The following TAB1 variants were observed in gnomAD, a reference collection of about 807,000 sequenced individuals.
The protein encoded by TAB1 is TGF-beta activated kinase 1 (MAP3K7) binding protein 1.
TAB1 carries 30 observed loss-of-function variants against 54.5 expected under a neutral mutation model. That is an observed-to-expected ratio of 0.55 (90% confidence interval 0.41 to 0.75). The LOEUF (loss-of-function observed/expected upper bound fraction) is 0.75, where lower values mean the gene tolerates loss of function less well. Ranked by LOEUF, TAB1 falls within the 30% of genes least tolerant of loss-of-function variation. The pLI is 0.00. For missense variants in TAB1, 609 were observed against 683.2 expected, an observed-to-expected ratio of 0.89 and a Z score of 1.21; for synonymous variants, 289 against 286.9, an observed-to-expected ratio of 1.01 and a Z score of -0.07.
chr22:39,400,537 C>T (rs915258882), intron 1 of TAB1, among the ~76,000 whole-genome samples: 4 of 152,232 alleles, frequency 2.6e-5, no homozygotes, highest in Non-Finnish European at 4.4e-5. Flanking sequence ...TCTTCAGACT[C>T]ATCCCTACCC....
chr22:39,427,980 C>A, intron 9 of TAB1, 41 bp from the exon 10 acceptor site: 1 of 1,541,030 alleles, frequency 6.5e-7, no homozygotes, highest in Non-Finnish European at 8.8e-7. Flanking sequence ...TGGGTTTCTC[C>A]TCAGCTGCTG....
intron 1 of TAB1, 120 bp from the exon 2 acceptor site, chr22:39,414,886 G>T: frequency 9.0e-7 from 1 of 1,112,792 alleles, no homozygotes; most frequent in Admixed American, 2.3e-5. Context: ...CCAGAAGGAA[G>T]TGGAACCCTC....
At chr22:39,435,353 G>C (rs558924202), downstream of TAB1, among the ~76,000 whole-genome samples, 1 of 152,034 alleles carries the variant, frequency 6.6e-6, no homozygotes, top group African/African-American at 2.4e-5. Flanking sequence ...AACCCCAGCA[G>C]GTCCCCGGCT....
rs1011603695 is a variant in TAB1 at position 39,431,823 on chromosome 22, G to A, written c.*1601G>A. On this transcript the variant is annotated 3_prime_UTR_variant, in exon 11 of 11. Transcript: ENST00000216160. ...GTGCTGTTTGGTCTCTAGAAACAGG[G>A]TCACTTTTTTAATGTAGTAAAGAAG... The A allele has an allele frequency of 1.6e-5, 16 of 985,446 alleles. No homozygotes were observed. Among genetic ancestry groups the A allele is most frequent in the Non-Finnish European group, 1.8e-5 (15 of 829,934 alleles). 61.0% of individuals were successfully genotyped at this position (985,446 alleles called of 1,614,324 possible). A position where few individuals can be genotyped will look rare whatever the true frequency, so the allele number is the denominator to read the frequency against.
chr22:39,419,851 G>A (rs576784437), intron 7 of TAB1, among the ~76,000 whole-genome samples: 19 of 152,250 alleles, frequency 1.2e-4, no homozygotes, highest in African/African-American at 4.6e-4. Flanking sequence ...TGACACATGT[G>A]CAGTCAAAGT....
intron 4 of TAB1, 146 bp downstream of exon 4, chr22:39,417,023 A>G (rs1018718727): frequency 1.3e-6 from 1 of 747,494 alleles, no homozygotes; most frequent in Non-Finnish European, 2.3e-6. Flanking sequence ...GTGTGTGGCC[A>G]CAGGTGAGGG....
intron 1 of TAB1, among the ~76,000 whole-genome samples, chr22:39,413,344 A>T (rs1454617943): frequency 6.6e-6 from 1 of 152,008 alleles, no homozygotes; most frequent in Non-Finnish European, 1.5e-5. Flanking sequence ...GCCAGTTTGG[A>T]TGCCCTCTAT....
chr22:39,403,725 G>T (rs1184741610), intron 1 of TAB1, among the ~76,000 whole-genome samples: 1 of 147,678 alleles, frequency 6.8e-6, no homozygotes, highest in Non-Finnish European at 1.5e-5. Context: ...TGCAAGCTCC[G>T]CCTCCCAGGT....
intron 7 of TAB1, among the ~76,000 whole-genome samples, chr22:39,420,539 C>T (rs1818786527): frequency 6.6e-6 from 1 of 152,184 alleles, no homozygotes; most frequent in African/African-American, 2.4e-5. Flanking sequence ...TCCTTGCCCT[C>T]ACGCGATCTA....
intron 1 of TAB1, among the ~76,000 whole-genome samples, chr22:39,403,185 G>A (rs1926219008): frequency 6.6e-6 from 1 of 152,222 alleles, no homozygotes; most frequent in Non-Finnish European, 1.5e-5. Flanking sequence ...TGGAGCTGAT[G>A]GTCTAGTAAA....
Position 39,412,630 on chromosome 22 carries a change from T to C in TAB1, c.34-2376T>C, listed in dbSNP as rs57432240. Among the ~76,000 whole-genome samples, 932 of 152,032 alleles carry C rather than the reference T, an allele frequency of 6.1e-3. 12 individuals are homozygous for C. Among genetic ancestry groups the C allele is most frequent in the East Asian group, 0.043 (222 of 5,174 alleles). On this transcript the variant is annotated intron_variant, in intron 1 of 10. Transcript: ENST00000216160. ...GATAAAAGCAGAATAAAACCAATTA[T>C]ATGAAAAAAAGTGAAGTCACTCCTG... is the stretch of plus-strand genomic sequence containing the variant.
chr22:39,413,289 T>C (rs767196025), intron 1 of TAB1, among the ~76,000 whole-genome samples: 1 of 152,182 alleles, frequency 6.6e-6, no homozygotes, highest in Non-Finnish European at 1.5e-5. Flanking sequence ...TTTCCAAATA[T>C]AAGATTATAT....
At chr22:39,428,896 G>C (rs1927466582) in intron 10 of TAB1, among the ~76,000 whole-genome samples, 1 of 152,262 alleles carries the variant, frequency 6.6e-6, no homozygotes, top group Non-Finnish European at 1.5e-5. Context: ...CTTTCCCTCT[G>C]CCTCTGGGTT....
rs951058421 is a variant in TAB1 at position 39,399,843 on chromosome 22, A to G, written c.33+8A>G. ...AGGAGCTTGCTGCAGAGTGTGAGGA[A>G]CAGGCCCGCTCTCTGGGCTTGGGGT... On this transcript the variant is annotated splice_region_variant and intron_variant, in intron 1 of 10. Coordinates refer to ENST00000216160, the MANE Select transcript of TAB1 (RefSeq NM_006116.3). 6.9e-6 allele frequency: 11 copies of G among 1,595,568 alleles called. No homozygotes were observed. Among genetic ancestry groups the G allele is most frequent in the African/African-American group, 1.3e-5 (1 of 74,682 alleles).
In TAB1 at chr22:39,422,400, C is replaced by CTTTTT. The variant is rs965591327; in HGVS notation, c.921+451_921+455dup. 1.8e-3 allele frequency among the ~76,000 whole-genome samples: 161 copies of CTTTTT among 88,524 alleles called. 7 individuals are homozygous for CTTTTT. The highest frequency in any genetic ancestry group is 3.0e-3 in the Non-Finnish European group (134 of 44,788). The allele number at this position is 88,524 out of a possible 152,430, so 58.1% of individuals were successfully genotyped here. ...ACAATTTATAGTTTGCTTCTCATTT[C>CTTTTT]TTTTTTTTTTTTTTTTTTTTTTTTT... On this transcript the variant is annotated intron_variant, in intron 8 of 10. Transcript: ENST00000216160.
At chr22:39,406,770 C>T (rs1407378730) in intron 1 of TAB1, among the ~76,000 whole-genome samples, 1 of 152,122 alleles carries the variant, frequency 6.6e-6, no homozygotes, top group Non-Finnish European at 1.5e-5. Context: ...GTAGCTGGGA[C>T]TACAGGCACC....
At chr22:39,433,850 C>G, downstream of TAB1, 1 of 983,668 alleles carries the variant, frequency 1.0e-6, no homozygotes, top group Non-Finnish European at 1.2e-6. Flanking sequence ...ACAGATGCCC[C>G]CTCTGGAAAG....
intron 9 of TAB1, among the ~76,000 whole-genome samples, chr22:39,427,358 T>C (rs980142854): frequency 6.6e-6 from 1 of 152,200 alleles, no homozygotes; most frequent in Non-Finnish European, 1.5e-5. Flanking sequence ...TGGAAGAGAT[T>C]AGGCATGTGG....
In TAB1 at chr22:39,431,480, C is replaced by G; in HGVS notation, c.*1258C>G. On this transcript the variant is annotated 3_prime_UTR_variant, in exon 11 of 11. Transcript: ENST00000216160. ...CCCCATCTCCCAGTCTCCCTGCCCCCCATGCCCCAGACCGGCCCACCAGGG... is the reference window on the plus strand; with the variant it reads ...CCCCATCTCCCAGTCTCCCTGCCCCGCATGCCCCAGACCGGCCCACCAGGG... The G allele has an allele frequency of 9.1e-6, 9 of 985,848 alleles. No individual in the cohort carries two copies. The highest frequency in any genetic ancestry group is 1.1e-5 in the Non-Finnish European group (9 of 830,208). 61.1% of individuals were successfully genotyped at this position (985,848 alleles called of 1,614,324 possible).
Sources: gnomAD v4.1 joint callset for allele counts (sites outside exome capture counted in the v4.1 genomes callset) on GRCh38, gnomAD v4.1.1 for gene constraint, MANE v1.5 for transcripts, NCBI Gene and HGNC (gene_info 2026-07-23, HGNC 2026-07-21) for gene names.